The following CACNB2 variants were observed in gnomAD, a reference collection of about 807,000 sequenced individuals.
CACNB2 encodes the protein calcium voltage-gated channel auxiliary subunit beta 2.
Under a neutral mutation model 73.3 loss-of-function variants are expected in CACNB2, and 42 were observed. The observed-to-expected ratio is 0.57, with a 90% confidence interval of 0.45 to 0.74. The LOEUF is 0.74. Ranked by LOEUF, CACNB2 falls within the 30% of genes least tolerant of loss-of-function variation. The pLI is 0.00. For missense variants in CACNB2, 940 were observed against 853.0 expected (o/e 1.10, Z -1.27); for synonymous variants, 348 against 310.3 (o/e 1.12, Z -1.28).
chr10:18,270,065 T>C (rs932923918), intron 2 of CACNB2, among the ~76,000 whole-genome samples: 15 of 152,152 alleles, frequency 9.9e-5, no homozygotes, highest in African/African-American at 3.4e-4. Flanking sequence ...GGATAATTTA[T>C]AAAGGAAAGA....
At chr10:18,201,371 C>T (rs1328992423) in intron 2 of CACNB2, among the ~76,000 whole-genome samples, 2 of 150,962 alleles carry the variant, frequency 1.3e-5, no homozygotes, top group East Asian at 2.0e-4. Context: ...GTCTCCTGGG[C>T]TCAAGCAGTT....
At chr10:18,451,201 AT>A (rs1168498097) in intron 3 of CACNB2, among the ~76,000 whole-genome samples, 1 of 152,208 alleles carries the variant, frequency 6.6e-6, no homozygotes, top group Non-Finnish European at 1.5e-5. Context: ...ATTTCTCCTT[AT>A]TTATCAGCCT....
At chr10:18,491,042 T>G (rs2049387359) in intron 3 of CACNB2, among the ~76,000 whole-genome samples, 1 of 152,222 alleles carries the variant, frequency 6.6e-6, no homozygotes, top group African/African-American at 2.4e-5. Flanking sequence ...CAGTGCCCAC[T>G]GTTCCTGGTG....
chr10:18,233,184 G>T (rs899627516), intron 2 of CACNB2, among the ~76,000 whole-genome samples: 4 of 152,176 alleles, frequency 2.6e-5, no homozygotes, highest in African/African-American at 9.7e-5. Context: ...CAGGGCGGCA[G>T]ATAAGTCCAG....
chr10:18,151,180 G>A (rs1358428387), intron 2 of CACNB2: 3 of 500,870 alleles, frequency 6.0e-6, no homozygotes, highest in South Asian at 5.6e-5. Context: ...TTCCTGGCAA[G>A]TTGAGGAAAG....
intron 2 of CACNB2, among the ~76,000 whole-genome samples, chr10:18,251,208 T>C (rs891321259): frequency 6.6e-6 from 1 of 152,138 alleles, no homozygotes; most frequent in Non-Finnish European, 1.5e-5. Context: ...TTCTGCTGCA[T>C]ATGAATTTTG....
intron 11 of CACNB2, among the ~76,000 whole-genome samples, chr10:18,535,094 G>T (rs978189795): frequency 2.0e-5 from 3 of 152,144 alleles, no homozygotes; most frequent in Non-Finnish European, 4.4e-5. Flanking sequence ...AATGTATAAT[G>T]AAATATGTCA....
In CACNB2 at chr10:18,206,753, A is replaced by G. The variant is rs558599722; in HGVS notation, c.213+55778A>G. ...AGTGGTGCCTTCTGCACTGCAGCTT[A>G]GCAAGCAAAGTGGGGAGGGTAATGC... On this transcript the variant is annotated intron_variant, in intron 2 of 13. Transcript: ENST00000324631. The G allele has an allele frequency of 2.6e-5, 4 of 152,386 alleles. No homozygotes were observed. The East Asian group carries it at 7.7e-4, about 29-fold the overall frequency. 9.4% of individuals were successfully genotyped at this position (152,386 alleles called of 1,614,324 possible).
chr10:18,221,574 G>A (rs1039912024), intron 2 of CACNB2, among the ~76,000 whole-genome samples: 6 of 152,266 alleles, frequency 3.9e-5, no homozygotes, highest in Admixed American at 1.3e-4. Context: ...AGCTCCTTGG[G>A]AGGCTGGGGT....
intron 2 of CACNB2, among the ~76,000 whole-genome samples, chr10:18,191,143 G>C (rs1197426454): frequency 3.9e-5 from 6 of 152,192 alleles, no homozygotes. Context: ...GGAAGAAACA[G>C]ACAGGACTCA....
intron 3 of CACNB2, among the ~76,000 whole-genome samples, chr10:18,423,131 A>G (rs898494927): frequency 9.2e-5 from 8 of 86,880 alleles, no homozygotes; most frequent in African/African-American, 3.7e-4. Flanking sequence ...TGCCATCTTT[A>G]TCCTTTATCT....
intron 11 of CACNB2, among the ~76,000 whole-genome samples, chr10:18,535,721 C>G (rs548190492): frequency 3.5e-5 from 5 of 141,540 alleles, no homozygotes; most frequent in African/African-American, 1.2e-4. Flanking sequence ...TGCAGTGAGC[C>G]GAGATCGCAC....
chr10:18,401,928 C>T lies in CACNB2; in HGVS notation c.218C>T (p.Ser73Leu), dbSNP rs755056713. ...TTSNSFVRQG[S>L]ADSYTSRPSD... Reference sequence around the variant, plus strand: ...AATGTACATTTTCCTCTCCAGGGTTCGGCAGACTCCTACACTAGCCGTCCA... The same window carrying T: ...AATGTACATTTTCCTCTCCAGGGTTTGGCAGACTCCTACACTAGCCGTCCA... The change falls in exon 3 of 14, where the codon TCG (serine) becomes TTG (leucine). Residue 73 changes from serine to leucine, a missense_variant. Coordinates refer to ENST00000324631, the MANE Select transcript of CACNB2 (RefSeq NM_201596.3). 38 of 1,613,772 alleles carry T rather than the reference C, an allele frequency of 2.4e-5. No homozygotes were observed. Among genetic ancestry groups the T allele is most frequent in the Non-Finnish European group, 4.2e-6 (5 of 1,179,814 alleles).
At chr10:18,429,554 T>C (rs1177413843) in intron 3 of CACNB2, among the ~76,000 whole-genome samples, 1 of 151,810 alleles carries the variant, frequency 6.6e-6, no homozygotes, top group Admixed American at 6.6e-5. Context: ...AGGCCAGGCA[T>C]GGTGACTCAT....
At chr10:18,452,721 A>G (rs1050986035) in intron 3 of CACNB2, among the ~76,000 whole-genome samples, 2 of 152,170 alleles carry the variant, frequency 1.3e-5, no homozygotes, top group East Asian at 1.9e-4. Flanking sequence ...GGTTAGCCTT[A>G]TAGACAGAAG....
chr10:18,375,360 C>T (rs1251714805), intron 2 of CACNB2, among the ~76,000 whole-genome samples: 1 of 152,080 alleles, frequency 6.6e-6, no homozygotes, highest in Non-Finnish European at 1.5e-5. Context: ...TCTCAATGTG[C>T]TAATGGGGAT....
At chr10:18,394,293 A>T (rs1446965506) in intron 2 of CACNB2, among the ~76,000 whole-genome samples, 1 of 152,164 alleles carries the variant, frequency 6.6e-6, no homozygotes, top group African/African-American at 2.4e-5. Flanking sequence ...GAGAGAGAGC[A>T]AGCGAGCGTG....
chr10:18,247,488 G>T (rs1320197780), intron 2 of CACNB2, among the ~76,000 whole-genome samples: 2 of 152,048 alleles, frequency 1.3e-5, no homozygotes, highest in African/African-American at 2.4e-5. Flanking sequence ...ATGAAGTGCC[G>T]GCTGGATATA....
intron 2 of CACNB2, among the ~76,000 whole-genome samples, chr10:18,170,768 A>G (rs372081323): frequency 3.9e-5 from 6 of 152,244 alleles, no homozygotes; most frequent in African/African-American, 1.4e-4. Context: ...AGAAACCAAT[A>G]CGTTGTATTC....
Sources: allele counts gnomAD v4.1 joint callset (sites outside exome capture counted in the v4.1 genomes callset), GRCh38; gene constraint gnomAD v4.1.1; transcripts MANE v1.5; gene names NCBI Gene and HGNC (gene_info 2026-07-23, HGNC 2026-07-21).